The following UHRF2 variants were observed in gnomAD, a reference collection of about 807,000 sequenced individuals.
UHRF2 encodes the protein ubiquitin like with PHD and ring finger domains 2, also known as E3 ubiquitin-protein ligase UHRF2.
Under a neutral mutation model 96.8 loss-of-function variants are expected in UHRF2, and 23 were observed. The observed-to-expected ratio is 0.24, with a 90% CI of 0.17 to 0.34. The LOEUF is 0.34. Among genes scored for constraint, UHRF2 ranks in the 10% least tolerant of loss-of-function variants. The pLI, the probability that UHRF2 is intolerant of heterozygous loss-of-function variation, is 1.00. For synonymous variants in UHRF2, 385 were observed against 332.6 expected, an observed-to-expected ratio of 1.16 and a Z score of -1.72; for missense variants, 685 against 981.5, an observed-to-expected ratio of 0.70 and a Z score of 4.04.
chr9:6,450,310 C>T (rs565039750), intron 3 of UHRF2, among the ~76,000 whole-genome samples: 1 of 144,336 alleles, frequency 6.9e-6, no homozygotes, highest in African/African-American at 2.5e-5. Context: ...CCCTTCCCCC[C>T]CCCCCATTTA....
Position 6,460,578 on chromosome 9 carries a change from C to T in UHRF2, c.650C>T (p.Pro217Leu). The T allele has an allele frequency of 6.3e-7, 1 of 1,599,610 alleles. No individual in the cohort carries two copies. Among genetic ancestry groups the T allele is most frequent in the Non-Finnish European group, 8.5e-7 (1 of 1,170,696 alleles). Residue 217 changes from proline (P) to leucine (L), a missense_variant, in exon 4 of 16, where the codon CCA becomes CTA. This residue lies in a region of UHRF2 where 391 missense variants were observed against 437.0 expected (regional missense o/e 0.89). Transcript: ENST00000276893. ...VIYHIQYDEY[P>L]ESGTLEMNVK... ...ATGGTTTTCTCTCTCCTCAGATACC[C>T]AGAAAGCGGTACTCTAGAAATGAAT...
At chr9:6,489,528 A>G (rs1170953448) in intron 9 of UHRF2, among the ~76,000 whole-genome samples, 3 of 152,206 alleles carry the variant, frequency 2.0e-5, no homozygotes, top group South Asian at 2.1e-4. Context: ...TTATGTTCCT[A>G]TCGGCAGTAT....
At chr9:6,446,908 A>C (rs1821545392) in intron 3 of UHRF2, among the ~76,000 whole-genome samples, 2 of 151,744 alleles carry the variant, frequency 1.3e-5, no homozygotes, top group African/African-American at 4.8e-5. Flanking sequence ...TTTTGTTTTG[A>C]GACAGAGTCT....
At chr9:6,490,811 T>C (rs955736163) in intron 9 of UHRF2, among the ~76,000 whole-genome samples, 48 of 152,330 alleles carry the variant, frequency 3.2e-4, no homozygotes, top group African/African-American at 1.0e-3. Context: ...AGATGACATA[T>C]AGGCCTTGAT....
At chr9:6,488,875 C>G (rs1824480976) in intron 9 of UHRF2, among the ~76,000 whole-genome samples, 1 of 151,342 alleles carries the variant, frequency 6.6e-6, no homozygotes, top group Admixed American at 6.6e-5. Flanking sequence ...GGCAGTGATG[C>G]GATTTCGGCT....
chr9:6,494,973 G>A (rs1174640651), intron 10 of UHRF2: 2 of 152,190 alleles, frequency 1.3e-5, no homozygotes, highest in African/African-American at 4.8e-5. Flanking sequence ...ACATTCTTGA[G>A]ACAGGAGCTT....
intron 14 of UHRF2, among the ~76,000 whole-genome samples, chr9:6,502,583 C>G (rs771690390): frequency 7.2e-5 from 11 of 152,220 alleles, no homozygotes; most frequent in Non-Finnish European, 1.0e-4. Flanking sequence ...TCAGTTTGCT[C>G]TGTTTCATCA....
At chr9:6,433,444 TTC>T (rs1275832960) in intron 2 of UHRF2, among the ~76,000 whole-genome samples, 11 of 152,342 alleles carry the variant, frequency 7.2e-5, no homozygotes, top group African/African-American at 2.2e-4. Context: ...TTGTGCATAA[TTC>T]TCTCATTTTC....
chr9:6,456,805 C>G (rs1441397928), intron 3 of UHRF2, among the ~76,000 whole-genome samples: 2 of 152,134 alleles, frequency 1.3e-5, no homozygotes, highest in South Asian at 2.1e-4. Flanking sequence ...TTCCCCATTT[C>G]TTGTTTTTGT....
rs567959843 is a variant in UHRF2, at chr9:6,429,860, A to C, written c.385-4054A>C. ...AACCTAGGTTTACCTGCAGAGCTGG[A>C]GTGTTTTCTGCAAAACAAATGGTAC... On this transcript the variant is annotated intron_variant, in intron 2 of 15. Transcript: ENST00000276893. Among the ~76,000 whole-genome samples the C allele has an allele frequency of 1.2e-4, 19 of 152,292 alleles. No individual in the cohort carries two copies. In the South Asian group the frequency reaches 3.7e-3, roughly 30 times the overall value.
intron 9 of UHRF2, among the ~76,000 whole-genome samples, chr9:6,493,510 T>C (rs1460558302): frequency 1.3e-5 from 2 of 152,264 alleles, no homozygotes; most frequent in East Asian, 3.9e-4. Flanking sequence ...TTGAATAAAA[T>C]ATAATATTTA....
At chr9:6,421,437 G>A (rs1226303398) in intron 2 of UHRF2, among the ~76,000 whole-genome samples, 1 of 152,150 alleles carries the variant, frequency 6.6e-6, no homozygotes, top group South Asian at 2.1e-4. Flanking sequence ...TTTGATAACG[G>A]AGGCTTGCTC....
At chr9:6,486,663 T>C (rs921655273) in intron 8 of UHRF2, among the ~76,000 whole-genome samples, 158 bp from the exon 9 acceptor site, 3 of 152,018 alleles carry the variant, frequency 2.0e-5, no homozygotes, top group Non-Finnish European at 4.4e-5. Flanking sequence ...TTCTTGGATC[T>C]TTAGGTACCA....
At chr9:6,429,442 T>A (rs1189030899) in intron 2 of UHRF2, among the ~76,000 whole-genome samples, 3 of 152,140 alleles carry the variant, frequency 2.0e-5, no homozygotes, top group African/African-American at 7.2e-5. Context: ...TTAGACAGAG[T>A]CTTGCACTGT....
intron 3 of UHRF2, among the ~76,000 whole-genome samples, chr9:6,441,432 C>T (rs1325388574): frequency 2.0e-5 from 3 of 151,682 alleles, no homozygotes; most frequent in Non-Finnish European, 4.4e-5. Flanking sequence ...AATGCAAATT[C>T]CTGGGCTCAC....
intron 4 of UHRF2, among the ~76,000 whole-genome samples, chr9:6,470,541 C>T (rs538296151): frequency 6.6e-6 from 1 of 152,066 alleles, no homozygotes; most frequent in Admixed American, 6.5e-5. Context: ...CCCGATGGAA[C>T]ATCGAAATAT....
chr9:6,468,423 C>CAAATAG (rs1303837354), intron 4 of UHRF2: 1 of 456,078 alleles, frequency 2.2e-6, no homozygotes, highest in South Asian at 1.5e-5. Context: ...AAATAGTCAT[C>CAAATAG]TCTTTGAATG....
At chr9:6,439,851 TGTTTCTA>T (rs544678426) in intron 3 of UHRF2, among the ~76,000 whole-genome samples, 94 of 152,302 alleles carry the variant, frequency 6.2e-4, no homozygotes, top group African/African-American at 2.0e-3. Flanking sequence ...TGAAAACTCT[TGTTTCTA>T]GTGGTATTTT....
chr9:6,427,833 T>A (rs1412026624), intron 2 of UHRF2, among the ~76,000 whole-genome samples: 1 of 152,220 alleles, frequency 6.6e-6, no homozygotes, highest in East Asian at 1.9e-4. Flanking sequence ...GGAGAGCCTA[T>A]GAAAGATTGT....
Sources: gnomAD v4.1 joint callset for allele counts (sites outside exome capture counted in the v4.1 genomes callset) on GRCh38, gnomAD v4.1.1 for gene constraint, gnomAD v4.1.1 regional missense constraint, MANE v1.5 for transcripts, NCBI Gene and HGNC (gene_info 2026-07-23, HGNC 2026-07-21) for gene names.